The following MGAT5 variants were observed in gnomAD, a reference collection of about 807,000 sequenced individuals.
MGAT5 encodes alpha-1,6-mannosylglycoprotein 6-beta-N-acetylglucosaminyltransferase.
Under a neutral mutation model 94.3 loss-of-function variants are expected in MGAT5, and 30 were observed. The ratio of observed to expected loss-of-function variants is 0.32; its 90% CI spans 0.24 to 0.43. The LOEUF (loss-of-function observed/expected upper bound fraction) is 0.43. MGAT5 is among the 20% of genes least tolerant of loss of function. The pLI, the probability that MGAT5 is intolerant of heterozygous loss-of-function variation, is 1.00. For missense variants in MGAT5, 691 were observed against 905.5 expected, an observed-to-expected ratio of 0.76 and a Z score of 3.04; for synonymous variants, 310 against 322.9, an observed-to-expected ratio of 0.96 and a Z score of 0.43.
At chr2:134,259,368 A>G (rs1468321534) in intron 1 of MGAT5, among the ~76,000 whole-genome samples, 1 of 152,208 alleles carries the variant, frequency 6.6e-6, no homozygotes, top group Non-Finnish European at 1.5e-5. Context: ...CTCTGTCTCC[A>G]GCAGCCTGAC....
chr2:134,123,890 T>C (rs555091923), intron 1 of MGAT5, among the ~76,000 whole-genome samples: 1 of 152,312 alleles, frequency 6.6e-6, no homozygotes, highest in Non-Finnish European at 1.5e-5. Flanking sequence ...TTAAAGTTAA[T>C]AATTGCTTTG....
In MGAT5 at chr2:134,123,940, C is replaced by G. The variant is rs74991256; in HGVS notation, c.-143+3649C>G. On this transcript the variant is annotated intron_variant, in intron 1 of 16. Transcript: ENST00000409645. ...TCTTAGTAGCCAGAAGATGGCTACA[C>G]TTTCAAATTTCTCTTTGAAATTAAG... Among the ~76,000 whole-genome samples, 12 of 152,284 alleles carry G rather than the reference C, an allele frequency of 7.9e-5. No individual in the cohort carries two copies. In the East Asian group the frequency reaches 2.3e-3, roughly 29 times the overall value.
chr2:134,293,853 C>T (rs902933664), intron 2 of MGAT5, among the ~76,000 whole-genome samples: 4 of 152,150 alleles, frequency 2.6e-5, no homozygotes, highest in Non-Finnish European at 4.4e-5. Context: ...CCCAGGTCTG[C>T]GACTATGGCT....
chr2:134,205,277 C>T (rs978432336), intron 1 of MGAT5, among the ~76,000 whole-genome samples: 3 of 152,140 alleles, frequency 2.0e-5, no homozygotes, highest in Non-Finnish European at 2.9e-5. Context: ...GCTTTTAGCC[C>T]TGCGGAGGGT....
At chr2:134,169,566 T>C (rs1249704171) in intron 1 of MGAT5, among the ~76,000 whole-genome samples, 2 of 152,114 alleles carry the variant, frequency 1.3e-5, no homozygotes, top group Admixed American at 6.5e-5. Context: ...AGCCAATTAA[T>C]CTCCAAAAAT....
At chr2:134,412,771 A>C in intron 11 of MGAT5, 98 bp from the exon 12 acceptor site, 3 of 1,461,682 alleles carry the variant, frequency 2.1e-6, no homozygotes, top group Middle Eastern at 2.1e-4. Context: ...CCACACGGGA[A>C]TGGGCCACAG....
chr2:134,438,660 G>A (rs559323363), intron 14 of MGAT5, among the ~76,000 whole-genome samples: 5 of 152,156 alleles, frequency 3.3e-5, no homozygotes, highest in Admixed American at 6.5e-5. Flanking sequence ...CTCAAGTTAC[G>A]TTGCGACCCA....
chr2:134,416,308 C>A (rs1683961226), intron 12 of MGAT5, among the ~76,000 whole-genome samples: 1 of 152,132 alleles, frequency 6.6e-6, no homozygotes, highest in Non-Finnish European at 1.5e-5. Flanking sequence ...ACTTCTCAAC[C>A]CCTGGTAAAC....
At chr2:134,208,674 G>A (rs114812631) in intron 1 of MGAT5, among the ~76,000 whole-genome samples, 2,125 of 152,302 alleles carry the variant, frequency 0.014, 48 homozygotes, top group African/African-American at 0.049. Context: ...GTGGATAAAA[G>A]CTAAGGAAGA....
In MGAT5 at chr2:134,261,249, A is replaced by C. The variant is rs139150901; in HGVS notation, c.241+6605A>C. 2.9e-3 allele frequency among the ~76,000 whole-genome samples: 437 copies of C among 152,314 alleles called. 2 individuals are homozygous for C. Among genetic ancestry groups the C allele is most frequent in the African/African-American group, 0.01 (430 of 41,574 alleles). On this transcript the variant is annotated intron_variant, in intron 1 of 15. Coordinates refer to ENST00000281923, the MANE Select transcript of MGAT5 (RefSeq NM_002410.5). ...CAATGTGATTGTCATTGCCATGTTCAAACGATGAGGCTTAGAATGTCCCTT... is the reference window on the plus strand; with the variant it reads ...CAATGTGATTGTCATTGCCATGTTCCAACGATGAGGCTTAGAATGTCCCTT...
chr2:134,431,373 G>A (rs554846122), intron 14 of MGAT5, among the ~76,000 whole-genome samples: 52 of 152,228 alleles, frequency 3.4e-4, no homozygotes, highest in African/African-American at 1.1e-3. Flanking sequence ...GAGCAATAAA[G>A]GGGGCCTATT....
At chr2:134,244,392 A>G (rs1383588622) in intron 1 of MGAT5, among the ~76,000 whole-genome samples, 1 of 151,860 alleles carries the variant, frequency 6.6e-6, no homozygotes, top group East Asian at 1.9e-4. Context: ...TGATTTATGG[A>G]CCAGGTCTTT....
chr2:134,454,205 T>G lies in MGAT5; in HGVS notation c.*5358T>G, dbSNP rs1686249010. The G allele has an allele frequency of 6.6e-6, 1 of 152,024 alleles. No individual in the cohort carries two copies. The highest frequency in any genetic ancestry group is 6.6e-5 in the Admixed American group (1 of 15,266). The allele number at this position is 152,024 out of a possible 1,614,324, so 9.4% of individuals were successfully genotyped here. A position where few individuals can be genotyped will look rare whatever the true frequency, so the allele number is the denominator to read the frequency against. ...GGGACGGGGTGGTGCTCAAAGGATC[T>G]GTGGTGCTGGAGGTCTACACGCCTC... On this transcript the variant is annotated 3_prime_UTR_variant, in exon 16 of 16. Coordinates refer to ENST00000281923, the MANE Select transcript of MGAT5 (RefSeq NM_002410.5).
chr2:134,338,816 T>C (rs1017698284), intron 6 of MGAT5, among the ~76,000 whole-genome samples: 6 of 152,154 alleles, frequency 3.9e-5, no homozygotes, highest in Admixed American at 6.6e-5. Flanking sequence ...TGAGTTTCAT[T>C]GTTACTCTGT....
intron 9 of MGAT5, among the ~76,000 whole-genome samples, chr2:134,353,465 T>C (rs1469158372): frequency 6.6e-6 from 1 of 152,198 alleles, no homozygotes; most frequent in East Asian, 1.9e-4. Flanking sequence ...GATTCCGGAA[T>C]GATACACCAA....
At chr2:134,189,617 T>G (rs796376289) in intron 1 of MGAT5, among the ~76,000 whole-genome samples, 1 of 112,696 alleles carries the variant, frequency 8.9e-6, no homozygotes, top group African/African-American at 3.5e-5. Context: ...TTTTTTTTTT[T>G]TTTAAGACAG....
intron 3 of MGAT5, among the ~76,000 whole-genome samples, 169 bp downstream of exon 3, chr2:134,317,774 A>G (rs954830061): frequency 6.6e-6 from 1 of 152,060 alleles, no homozygotes; most frequent in African/African-American, 2.4e-5. Context: ...CAACCCTGCT[A>G]TGCCTATGTC....
intron 1 of MGAT5, among the ~76,000 whole-genome samples, chr2:134,164,583 T>A (rs1687879782): frequency 6.6e-6 from 1 of 152,138 alleles, no homozygotes; most frequent in Non-Finnish European, 1.5e-5. Flanking sequence ...TGCAAGGGCT[T>A]ACTATGATTT....
intron 2 of MGAT5, among the ~76,000 whole-genome samples, chr2:134,311,498 C>T (rs1686656555): frequency 6.6e-6 from 1 of 152,136 alleles, no homozygotes; most frequent in South Asian, 2.1e-4. Flanking sequence ...TCTGAAAGAA[C>T]TGTCTTCTGT....
Sources: gnomAD v4.1 joint callset for allele counts (sites outside exome capture counted in the v4.1 genomes callset) on GRCh38, gnomAD v4.1.1 for gene constraint, MANE v1.5 for transcripts, NCBI Gene and HGNC (gene_info 2026-07-23, HGNC 2026-07-21) for gene names.